IL1RAPL1: variants seen among roughly 807,000 people sequenced by gnomAD.
IL1RAPL1 encodes interleukin 1 receptor accessory protein like 1, also known as interleukin-1 receptor accessory protein-like 1.
IL1RAPL1 carries 3 observed loss-of-function variants against 48.4 expected under a neutral mutation model. That is an observed-to-expected ratio of 0.06 (90% CI 0.03 to 0.16). The LOEUF is 0.16. Among genes scored for constraint, IL1RAPL1 ranks in the 10% least tolerant of loss-of-function variants. The pLI is 1.00. For synonymous variants in IL1RAPL1, 185 were observed against 187.7 expected, an observed-to-expected ratio of 0.99 and a Z score of 0.12; for missense variants, 349 against 530.6, an observed-to-expected ratio of 0.66 and a Z score of 3.36.
intron 1 of IL1RAPL1, among the ~76,000 whole-genome samples, chrX:28,722,665 A>G (rs1454550066): frequency 1.4e-4 from 16 of 111,458 alleles, no homozygotes; most frequent in African/African-American, 3.9e-4. Context: ...TCCCTGTCTT[A>G]TGCCAGTTTT....
intron 2 of IL1RAPL1, among the ~76,000 whole-genome samples, chrX:29,185,496 G>C (rs1247076693): frequency 8.9e-6 from 1 of 111,885 alleles, no homozygotes; most frequent in Non-Finnish European, 1.9e-5. Context: ...TGCCAGTAAA[G>C]CACTTACCGC....
intron 3 of IL1RAPL1, among the ~76,000 whole-genome samples, chrX:29,377,112 C>T (rs1442310975): frequency 9.0e-5 from 10 of 111,569 alleles, no homozygotes; most frequent in Non-Finnish European, 1.9e-4. Flanking sequence ...TATGTAATGC[C>T]CTTCTTTGTC....
chrX:28,811,216 T>C (rs1936790169), intron 2 of IL1RAPL1, among the ~76,000 whole-genome samples: 1 of 110,795 alleles, frequency 9.0e-6, no homozygotes, highest in African/African-American at 3.3e-5. Context: ...GTTCAGTTAA[T>C]TTTATACAAA....
At chrX:29,338,378 TAAG>T (rs1396370417) in intron 3 of IL1RAPL1, among the ~76,000 whole-genome samples, 2 of 112,338 alleles carry the variant, frequency 1.8e-5, no homozygotes, top group East Asian at 2.8e-4. Context: ...TTTTCATTTC[TAAG>T]AAGGTTTTGT....
At chrX:29,760,165 G>T (rs1928721897) in intron 6 of IL1RAPL1, among the ~76,000 whole-genome samples, 2 of 111,635 alleles carry the variant, frequency 1.8e-5, no homozygotes, top group Non-Finnish European at 3.8e-5. Context: ...AGGCTTCCCA[G>T]TCAGTGCCTC....
At chrX:29,429,072 C>A (rs1228396285) in intron 5 of IL1RAPL1, among the ~76,000 whole-genome samples, 1 of 112,258 alleles carries the variant, frequency 8.9e-6, no homozygotes, top group Non-Finnish European at 1.9e-5. Context: ...TTAAGTGACT[C>A]CCCCTTTGTC....
At chrX:29,858,334 C>T (rs1376683306) in intron 6 of IL1RAPL1, among the ~76,000 whole-genome samples, 1 of 111,623 alleles carries the variant, frequency 9.0e-6, no homozygotes, top group Non-Finnish European at 1.9e-5. Flanking sequence ...AGAACGTTCA[C>T]TTTCACAGTA....
At chrX:28,767,427 T>C (rs1220524068) in intron 1 of IL1RAPL1, among the ~76,000 whole-genome samples, 1 of 111,099 alleles carries the variant, frequency 9.0e-6, no homozygotes, top group East Asian at 2.8e-4. Flanking sequence ...ATAGTTGATA[T>C]GGAAAATACA....
At chrX:28,894,357 G>A (rs1417698163) in intron 2 of IL1RAPL1, among the ~76,000 whole-genome samples, 3 of 111,270 alleles carry the variant, frequency 2.7e-5, no homozygotes, top group African/African-American at 9.8e-5. Flanking sequence ...AGGCCTGGTG[G>A]AACTGCCATC....
intron 6 of IL1RAPL1, among the ~76,000 whole-genome samples, chrX:29,769,809 G>A (rs1418991735): frequency 6.5e-5 from 7 of 108,392 alleles, no homozygotes; most frequent in East Asian, 2.9e-4. Flanking sequence ...TAGAGTCGGC[G>A]TTTCACCATG....
intron 2 of IL1RAPL1, among the ~76,000 whole-genome samples, chrX:29,181,483 G>A (rs1209674145): frequency 9.0e-6 from 1 of 111,696 alleles, no homozygotes; most frequent in South Asian, 3.7e-4. Flanking sequence ...CCTCTTCCTT[G>A]TACTTTGAAT....
At chrX:29,341,388 A>G (rs1402581260) in intron 3 of IL1RAPL1, among the ~76,000 whole-genome samples, 1 of 112,164 alleles carries the variant, frequency 8.9e-6, no homozygotes, top group African/African-American at 3.2e-5. Flanking sequence ...ATACAGAGAT[A>G]CCTACCTGGC....
chrX:29,084,985 G>T (rs1927923041), intron 2 of IL1RAPL1, among the ~76,000 whole-genome samples: 1 of 111,954 alleles, frequency 8.9e-6, no homozygotes, highest in Non-Finnish European at 1.9e-5. Flanking sequence ...GAGCCACTGC[G>T]CCCAGCCGCA....
At chrX:28,830,987 A>G (rs1921027793) in intron 2 of IL1RAPL1, among the ~76,000 whole-genome samples, 1 of 35,347 alleles carries the variant, frequency 2.8e-5, no homozygotes, top group Admixed American at 3.0e-4. Flanking sequence ...ACCTTTGCCC[A>G]GGGTTTCTCT....
intron 1 of IL1RAPL1, among the ~76,000 whole-genome samples, chrX:28,712,449 A>G (rs1401940771): frequency 9.0e-6 from 1 of 111,385 alleles, no homozygotes; most frequent in Non-Finnish European, 1.9e-5. Flanking sequence ...TACAGTGTGA[A>G]CAAGAAATTA....
intron 6 of IL1RAPL1, among the ~76,000 whole-genome samples, chrX:29,763,250 A>T (rs763506871): frequency 9.0e-6 from 1 of 111,332 alleles, no homozygotes; most frequent in Non-Finnish European, 1.9e-5. Context: ...AGTCTTGAAT[A>T]TCTTTTGCAA....
At chrX:29,528,737 AT>A (rs1415620534) in intron 5 of IL1RAPL1, among the ~76,000 whole-genome samples, 1 of 112,023 alleles carries the variant, frequency 8.9e-6, no homozygotes, top group Non-Finnish European at 1.9e-5. Flanking sequence ...AAGGAAACCA[AT>A]ATGGGACTTT....
At chrX:29,701,085 A>G (rs773269871) in intron 6 of IL1RAPL1, among the ~76,000 whole-genome samples, 4 of 111,907 alleles carry the variant, frequency 3.6e-5, no homozygotes, top group Non-Finnish European at 7.5e-5. Flanking sequence ...CAAATTTTCA[A>G]TCAATTGTTA....
intron 3 of IL1RAPL1, among the ~76,000 whole-genome samples, chrX:29,309,526 G>C (rs1331742172): frequency 8.9e-6 from 1 of 112,497 alleles, no homozygotes; most frequent in Non-Finnish European, 1.9e-5. Context: ...CCAAAAAAAG[G>C]GCGGGGCTGG....
Sources: gnomAD v4.1 joint callset for allele counts (sites outside exome capture counted in the v4.1 genomes callset) on GRCh38, gnomAD v4.1.1 for gene constraint, MANE v1.5 for transcripts, NCBI Gene and HGNC (gene_info 2026-07-23, HGNC 2026-07-21) for gene names.